The following RUVBL1 variants were observed in gnomAD, a reference collection of about 807,000 sequenced individuals.
The protein encoded by RUVBL1 is RuvB like AAA ATPase 1.
In RUVBL1, 4 loss-of-function variants were observed where a neutral mutation model predicts 52.4. The ratio of observed to expected loss-of-function variants is 0.08; its 90% CI spans 0.04 to 0.17. RUVBL1 has a LOEUF of 0.17. RUVBL1 is among the 10% of genes least tolerant of loss of function. The pLI is 1.00. For synonymous variants in RUVBL1, 217 were observed against 214.4 expected, an observed-to-expected ratio of 1.01 and a Z score of -0.10; for missense variants, 298 against 572.8, an observed-to-expected ratio of 0.52 and a Z score of 4.90.
chr3:128,081,554 G>T lies in RUVBL1; in HGVS notation c.1212-145C>A. 1 of 808,470 alleles carries T rather than the reference G, an allele frequency of 1.2e-6. No individual in the cohort carries two copies. 50.1% of individuals were successfully genotyped at this position (808,470 alleles called of 1,614,324 possible). A position where few individuals can be genotyped will look rare whatever the true frequency, so the allele number is the denominator to read the frequency against. ...GCTGCTACGAACACAGAAAAGGGGA[G>T]ACAAAGTTGTCACTTCTCAGAGAGC... On this transcript the variant is annotated intron_variant, in intron 10 of 10. Coordinates refer to ENST00000322623, the MANE Select transcript of RUVBL1 (RefSeq NM_003707.3). This position sits in a 1 kb window ranked among gnomAD's most constrained non-coding sequence, Gnocchi z 4.8.
chr3:128,080,876 G>A lies in RUVBL1; in HGVS notation c.*374C>T. 5.2e-6 allele frequency: 1 copy of A among 193,796 alleles called. No homozygotes were observed. Among genetic ancestry groups the A allele is most frequent in the East Asian group, 1.3e-4 (1 of 7,914 alleles). The allele number at this position is 193,796 out of a possible 1,614,324, so 12.0% of individuals were successfully genotyped here. On this transcript the variant is annotated 3_prime_UTR_variant, in exon 11 of 11. Coordinates refer to ENST00000322623, the MANE Select transcript of RUVBL1 (RefSeq NM_003707.3). ...CACGGTGACAAATGTGCTATCTGAT[G>A]TAACACGTTAACAAGAAGGGAAACT...
intron 8 of RUVBL1, among the ~76,000 whole-genome samples, chr3:128,089,959 G>A (rs1049333194): frequency 2.8e-5 from 4 of 142,472 alleles, no homozygotes; most frequent in East Asian, 2.1e-4. Flanking sequence ...TAAATGAGAC[G>A]TTACCAGGAT....
At position 128,081,229 on chromosome 3, in the gene RUVBL1, C is replaced by G. The variant is rs775866819; in HGVS notation, c.*21G>C. On this transcript the variant is annotated 3_prime_UTR_variant, in exon 11 of 11. Coordinates refer to ENST00000322623, the MANE Select transcript of RUVBL1 (RefSeq NM_003707.3). The surrounding 1 kb of genome is among the most constrained non-coding windows in gnomAD (Gnocchi z 4.8). ...CCAGGCACACCTGGGGAGTCTCTTACTGCTGAAAACCTCAGCCATCTCACT... is the reference window on the plus strand; with the variant it reads ...CCAGGCACACCTGGGGAGTCTCTTAGTGCTGAAAACCTCAGCCATCTCACT... 6.2e-7 allele frequency: 1 copy of G among 1,607,902 alleles called. No individual in the cohort carries two copies. The highest frequency in any genetic ancestry group is 1.1e-5 in the South Asian group (1 of 90,650).
At chr3:128,136,751 G>A (rs1449947068) in intron 1 of RUVBL1, among the ~76,000 whole-genome samples, 1 of 151,968 alleles carries the variant, frequency 6.6e-6, no homozygotes, top group Non-Finnish European at 1.5e-5. Context: ...AAAAGAGCAG[G>A]AGTAGCTATA....
downstream of RUVBL1, among the ~76,000 whole-genome samples, chr3:128,077,978 G>A (rs1559803976): frequency 6.6e-6 from 1 of 152,170 alleles, no homozygotes; most frequent in Non-Finnish European, 1.5e-5. Flanking sequence ...CACACACCAG[G>A]AAACCAAAGA....
chr3:128,096,950 G>T (rs1942994669), intron 8 of RUVBL1, among the ~76,000 whole-genome samples: 1 of 152,140 alleles, frequency 6.6e-6, no homozygotes, highest in Non-Finnish European at 1.5e-5. Flanking sequence ...CGCCAATAAT[G>T]CCTACCTCTC....
chr3:128,099,997 A>G (rs1943075950), intron 6 of RUVBL1, among the ~76,000 whole-genome samples: 1 of 152,208 alleles, frequency 6.6e-6, no homozygotes, highest in East Asian at 1.9e-4. Context: ...TAATCTCTTG[A>G]CCAAAGCTCC....
intron 9 of RUVBL1, among the ~76,000 whole-genome samples, chr3:128,085,290 C>G (rs1942611246): frequency 6.6e-6 from 1 of 152,190 alleles, no homozygotes; most frequent in African/African-American, 2.4e-5. Context: ...CGGTGAGATG[C>G]ACCAAATTGC....
chr3:128,100,535 G>C, intron 6 of RUVBL1, 60 bp downstream of exon 6: 1 of 1,518,680 alleles, frequency 6.6e-7, no homozygotes, highest in Admixed American at 2.3e-5. Context: ...TTCATTCCCA[G>C]ATCTCCACAC....
At chr3:128,150,825 A>G (rs1189937881) in intron 1 of RUVBL1, among the ~76,000 whole-genome samples, 1 of 90,504 alleles carries the variant, frequency 1.1e-5, no homozygotes, top group Non-Finnish European at 1.9e-5. Flanking sequence ...TATATATTCT[A>G]TATATTATAT....
intron 1 of RUVBL1, among the ~76,000 whole-genome samples, chr3:128,147,384 TA>T (rs1227152201): frequency 6.6e-6 from 1 of 151,980 alleles, no homozygotes; most frequent in Non-Finnish European, 1.5e-5. Flanking sequence ...AAGCTAAAAT[TA>T]AAAACAAAAC....
At chr3:128,065,732 A>ATTTTTTTTTTT (rs758640768) in intron 9 of RUVBL1, among the ~76,000 whole-genome samples, 6 of 97,506 alleles carry the variant, frequency 6.2e-5, no homozygotes, top group Non-Finnish European at 9.5e-5. Context: ...ATCATTAAGA[A>ATTTTTTTTTTT]TTTTTTTTTT....
At chr3:128,111,046 G>A (rs2107704619) in intron 3 of RUVBL1, among the ~76,000 whole-genome samples, 1 of 151,958 alleles carries the variant, frequency 6.6e-6, no homozygotes, top group South Asian at 2.1e-4. Context: ...CCAACATGGT[G>A]AAACCCCATC....
intron 3 of RUVBL1, among the ~76,000 whole-genome samples, chr3:128,112,410 G>A (rs890246362): frequency 4.6e-5 from 7 of 152,172 alleles, no homozygotes; most frequent in Non-Finnish European, 7.4e-5. Flanking sequence ...GAGGCCCTAA[G>A]GGTTAGGCGC....
intron 1 of RUVBL1, among the ~76,000 whole-genome samples, chr3:128,147,206 A>G (rs1478344342): frequency 6.6e-6 from 1 of 152,080 alleles, no homozygotes; most frequent in Non-Finnish European, 1.5e-5. Context: ...AGTAGCTGAG[A>G]CCACAGGCAT....
At chr3:128,084,172 A>G in intron 9 of RUVBL1, 1 of 152,324 alleles carries the variant, frequency 6.6e-6, no homozygotes, top group East Asian at 1.9e-4. Flanking sequence ...CATGAAACGT[A>G]TCTGCTGGGC....
intron 1 of RUVBL1, among the ~76,000 whole-genome samples, chr3:128,152,568 C>G (rs1944237445): frequency 6.6e-6 from 1 of 152,156 alleles, no homozygotes; most frequent in African/African-American, 2.4e-5. Context: ...GCCCTCACCC[C>G]CTGAATGTAA....
chr3:128,092,103 AG>A (rs1942856682), intron 8 of RUVBL1, among the ~76,000 whole-genome samples: 1 of 152,268 alleles, frequency 6.6e-6, no homozygotes, highest in Non-Finnish European at 1.5e-5. Flanking sequence ...CAATAAAAAA[AG>A]AACAGTCTTT....
chr3:128,087,527 C>T (rs1473964221), intron 9 of RUVBL1, among the ~76,000 whole-genome samples, 179 bp downstream of exon 9: 1 of 152,156 alleles, frequency 6.6e-6, no homozygotes, highest in East Asian at 1.9e-4. Context: ...TAGACCAATC[C>T]ATCTTTCAGA....
Sources: allele counts gnomAD v4.1 joint callset (sites outside exome capture counted in the v4.1 genomes callset), GRCh38; gene constraint gnomAD v4.1.1; non-coding constraint Gnocchi (gnomAD v3.1); transcripts MANE v1.5; gene names NCBI Gene and HGNC (gene_info 2026-07-23, HGNC 2026-07-21).